The following C5orf22 variants were observed in gnomAD, a reference collection of about 807,000 sequenced individuals.
The protein encoded by C5orf22 is UPF0489 protein C5orf22.
Under a neutral mutation model 48.7 loss-of-function variants are expected in C5orf22, and 36 were observed. That is an observed-to-expected ratio of 0.74 (90% CI 0.57 to 0.98). The LOEUF is 0.98. C5orf22 is among the 50% of genes least tolerant of loss of function. The pLI is 0.00. For synonymous variants in C5orf22, 141 were observed against 180.8 expected, an observed-to-expected ratio of 0.78 and a Z score of 1.76; for missense variants, 486 against 521.9, an observed-to-expected ratio of 0.93 and a Z score of 0.67.
rs1561319042 is a variant in C5orf22 at position 31,535,814 on chromosome 5, C to T, written c.298C>T (p.His100Tyr). 7 of 1,613,168 alleles carry T rather than the reference C, an allele frequency of 4.3e-6. No individual in the cohort carries two copies. Among genetic ancestry groups the T allele is most frequent in the Non-Finnish European group, 5.9e-6 (7 of 1,179,532 alleles). Residue 100 changes from histidine (H) to tyrosine (Y), a missense_variant, in exon 3 of 9, where the codon CAT becomes TAT. Physicochemically the swap from His to Tyr is moderately conservative, Grantham distance 83. This residue lies in a region of C5orf22 where 408 missense variants were observed against 444.0 expected (regional missense o/e 0.92). Coordinates refer to ENST00000325366, the MANE Select transcript of C5orf22 (RefSeq NM_018356.3). ...CCATTTTTCACATGTAATATGGTTT[C>T]ATCCCACATGGGCTCAGCAGATCAG... ...AGHFSHVIWF[H>Y]PTWAQQIREG...
At chr5:31,551,962 T>C (rs755694011) in intron 8 of C5orf22, among the ~76,000 whole-genome samples, 1 of 152,220 alleles carries the variant, frequency 6.6e-6, no homozygotes, top group Non-Finnish European at 1.5e-5. Context: ...AGATTATCTC[T>C]TTAGGTTTGA....
intron 1 of C5orf22, among the ~76,000 whole-genome samples, chr5:31,532,785 T>C (rs529300714): frequency 1.5e-4 from 23 of 152,106 alleles, no homozygotes; most frequent in African/African-American, 5.5e-4. Flanking sequence ...GTTCTTAACC[T>C]GCAGTTAACT....
intron 7 of C5orf22, among the ~76,000 whole-genome samples, chr5:31,548,901 G>A (rs1743064627): frequency 6.6e-6 from 1 of 152,150 alleles, no homozygotes; most frequent in African/African-American, 2.4e-5. Flanking sequence ...GAGAGCTTGT[G>A]CAGCGAGACT....
intron 6 of C5orf22, among the ~76,000 whole-genome samples, chr5:31,542,420 A>G (rs1168299369): frequency 1.3e-5 from 2 of 149,784 alleles, no homozygotes; most frequent in Middle Eastern, 3.5e-3. Flanking sequence ...AGATTGCATC[A>G]CTGCACTCCA....
At chr5:31,536,269 C>T (rs556454930) in intron 3 of C5orf22, among the ~76,000 whole-genome samples, 1 of 152,140 alleles carries the variant, frequency 6.6e-6, no homozygotes, top group Non-Finnish European at 1.5e-5. Context: ...GCCTGTAATC[C>T]CAGCACTTTG....
rs369908915 is a variant in C5orf22 at position 31,538,496 on chromosome 5, A to C, written c.614A>C (p.Asp205Ala). 2.2e-5 allele frequency: 35 copies of C among 1,614,092 alleles called. No individual in the cohort carries two copies. Among genetic ancestry groups the C allele is most frequent in the Non-Finnish European group, 3.0e-5 (35 of 1,180,040 alleles). The change falls in exon 4 of 9, where the codon GAC becomes GCC. Residue 205 changes from aspartate (D) to alanine (A), a missense_variant. Transcript: ENST00000325366. ...TCTTCTTCAGAAGGACTGGAAAAGG[A>C]CACAGCAACACAGAGAAGTGACCAG... ...CDSSSEGLEK[D>A]TATQRSDQTC...
chr5:31,532,314 T>G lies in C5orf22; in HGVS notation c.-79T>G. The G allele has an allele frequency of 6.2e-6, 9 of 1,454,518 alleles. No homozygotes were observed. Among genetic ancestry groups the G allele is most frequent in the Non-Finnish European group, 8.7e-6 (9 of 1,037,426 alleles). The allele number at this position is 1,454,518 out of a possible 1,614,324, so 90.1% of individuals were successfully genotyped here. A position where few individuals can be genotyped will look rare whatever the true frequency, so the allele number is the denominator to read the frequency against. On this transcript the variant is annotated 5_prime_UTR_variant, in exon 1 of 9. Coordinates refer to ENST00000325366, the MANE Select transcript of C5orf22 (RefSeq NM_018356.3). The stretch of plus-strand genomic sequence containing the variant: ...GGGAGCGCTTCCGCCCGGAGAGAGC[T>G]GGCCGGGATGAGGCGCCGGCTTTCC...
rs368521237 is a variant in C5orf22 at position 31,541,344 on chromosome 5, G to A, written c.934G>A (p.Ala312Thr). ...ATTAGAGGATTTAGAAGCCACTTTC[G>A]CTGATTTGTGTGATGGTGATGATGA... is the stretch of plus-strand genomic sequence containing the variant. ...HQLEDLEATF[A>T]DLCDGDDEET... The change falls in exon 6 of 9, where the codon GCT becomes ACT. Residue 312 changes from alanine (A) to threonine (T), a missense_variant. Ala to Thr is a moderately conservative substitution (Grantham distance 58). Coordinates refer to ENST00000325366, the MANE Select transcript of C5orf22 (RefSeq NM_018356.3). The A allele has an allele frequency of 1.9e-5, 31 of 1,613,648 alleles. No individual in the cohort carries two copies. The highest frequency in any genetic ancestry group is 1.8e-4 in the South Asian group (16 of 91,080).
chr5:31,536,122 C>T (rs1742063861), intron 3 of C5orf22, among the ~76,000 whole-genome samples: 1 of 152,178 alleles, frequency 6.6e-6, no homozygotes, highest in Non-Finnish European at 1.5e-5. Context: ...TGATCATTAT[C>T]CTCCGGAATT....
Position 31,541,348 on chromosome 5 carries a change from A to T in C5orf22, c.938A>T (p.Asp313Val). The stretch of plus-strand genomic sequence containing the variant: ...GAGGATTTAGAAGCCACTTTCGCTG[A>T]TTTGTGTGATGGTGATGATGAAGAA... Reference protein sequence around the residue: ...QLEDLEATFADLCDGDDEETV... With the variant: ...QLEDLEATFAVLCDGDDEETV... The change falls in exon 6 of 9, where the codon GAT becomes GTT. Residue 313 changes from aspartate to valine, a missense_variant. By Grantham distance (152) the Asp-to-Val change is radical. This residue lies in a region of C5orf22 where 408 missense variants were observed against 444.0 expected (regional missense o/e 0.92). Transcript: ENST00000325366. The T allele has an allele frequency of 6.2e-7, 1 of 1,613,946 alleles. No individual in the cohort carries two copies. The highest frequency in any genetic ancestry group is 8.5e-7 in the Non-Finnish European group (1 of 1,179,906).
In C5orf22 at chr5:31,554,409, A is replaced by AT. The variant is rs1743471787; in HGVS notation, c.*1512dup. 1.3e-5 allele frequency: 2 copies of AT among 152,154 alleles called. No homozygotes were observed. Among genetic ancestry groups the AT allele is most frequent in the African/African-American group, 4.8e-5 (2 of 41,426 alleles). The allele number at this position is 152,154 out of a possible 1,614,324, so 9.4% of individuals were successfully genotyped here. A position where few individuals can be genotyped will look rare whatever the true frequency, so the allele number is the denominator to read the frequency against. ...TTCCAAGGATTCTATTTTCCAGTGA[A>AT]TTTTTGTCACCGAGTTAATTTCCCA... On this transcript the variant is annotated 3_prime_UTR_variant, in exon 9 of 9. Transcript: ENST00000325366.
chr5:31,541,137 T>C, intron 5 of C5orf22, 126 bp downstream of exon 5: 1 of 983,664 alleles, frequency 1.0e-6, no homozygotes, highest in South Asian at 1.5e-5. Context: ...TGTGTGTGTG[T>C]GTGTGTGTGT....
chr5:31,546,940 C>G (rs1742920358), intron 7 of C5orf22, among the ~76,000 whole-genome samples: 1 of 152,190 alleles, frequency 6.6e-6, no homozygotes, highest in Admixed American at 6.5e-5. Flanking sequence ...TCCCAACAGT[C>G]CCTCAAAGTC....
chr5:31,542,453 C>CTT (rs2150075830), intron 6 of C5orf22, among the ~76,000 whole-genome samples: 1 of 142,502 alleles, frequency 7.0e-6, no homozygotes, highest in South Asian at 2.4e-4. Context: ...TGGACTTTTT[C>CTT]TGAGACTCCG....
Position 31,532,493 on chromosome 5 carries a change from G to A in C5orf22, c.81+20G>A, listed in dbSNP as rs1561313850. 6.2e-7 allele frequency: 1 copy of A among 1,604,990 alleles called. No homozygotes were observed. The highest frequency in any genetic ancestry group is 2.2e-5 in the East Asian group (1 of 44,728). On this transcript the variant is annotated intron_variant, in intron 1 of 8. Coordinates refer to ENST00000325366, the MANE Select transcript of C5orf22 (RefSeq NM_018356.3). The stretch of plus-strand genomic sequence containing the variant: ...CAGGAGGTGAGCGGACGGCAACAGG[G>A]CTCTGGGGCAGAATCAGCGGAAGCC...
intron 6 of C5orf22, among the ~76,000 whole-genome samples, chr5:31,541,870 TC>T (rs1185344021): frequency 9.2e-5 from 14 of 152,240 alleles, no homozygotes. Context: ...CTAAGATTTT[TC>T]CTTGCCTTAT....
At chr5:31,549,141 C>A (rs1743085796) in intron 7 of C5orf22, among the ~76,000 whole-genome samples, 1 of 152,134 alleles carries the variant, frequency 6.6e-6, no homozygotes. Context: ...ATCGCTTGAA[C>A]CCAGGAGGTG....
intron 6 of C5orf22, among the ~76,000 whole-genome samples, chr5:31,543,844 T>A (rs1460119815): frequency 6.6e-6 from 1 of 152,194 alleles, no homozygotes; most frequent in African/African-American, 2.4e-5. Context: ...CTCTGCCTAC[T>A]GAGCATGCCC....
chr5:31,555,003 A>C lies in C5orf22; in HGVS notation c.*2101A>C, dbSNP rs1452221910. Reference sequence around the variant, plus strand: ...GGGATACCGTGGTACAGTGTTTTGAATTGTGTACTAATATCATTAAAGCAT... The same window carrying C: ...GGGATACCGTGGTACAGTGTTTTGACTTGTGTACTAATATCATTAAAGCAT... On this transcript the variant is annotated 3_prime_UTR_variant, in exon 9 of 9. Transcript: ENST00000325366. 1 of 152,190 alleles carries C rather than the reference A, an allele frequency of 6.6e-6. No individual in the cohort carries two copies. The highest frequency in any genetic ancestry group is 1.5e-5 in the Non-Finnish European group (1 of 68,030). 9.4% of individuals were successfully genotyped at this position (152,190 alleles called of 1,614,324 possible).
Sources: gnomAD v4.1 joint callset for allele counts (sites outside exome capture counted in the v4.1 genomes callset) on GRCh38, gnomAD v4.1.1 for gene constraint, gnomAD v4.1.1 regional missense constraint, MANE v1.5 for transcripts, NCBI Gene and HGNC (gene_info 2026-07-23, HGNC 2026-07-21) for gene names.